The following GABRR2 variants were observed in gnomAD, a reference collection of about 807,000 sequenced individuals.
The protein encoded by GABRR2 is gamma-aminobutyric acid receptor subunit rho-2.
Under a neutral mutation model 47.0 loss-of-function variants are expected in GABRR2, and 36 were observed. The observed-to-expected ratio is 0.77, with a 90% CI of 0.59 to 1.01. The LOEUF is 1.01. Among genes scored for constraint, GABRR2 ranks in the 50% least tolerant of loss-of-function variants. The probability of loss-of-function intolerance (pLI) is 0.00; values close to 1 mark genes in which losing one functional copy is unlikely to be tolerated. For missense variants in GABRR2, 587 were observed against 594.6 expected (o/e 0.99, Z 0.13); for synonymous variants, 204 against 227.5 (o/e 0.90, Z 0.93).
intron 2 of GABRR2, among the ~76,000 whole-genome samples, chr6:89,284,309 C>T (rs1038170309): frequency 9.2e-5 from 14 of 152,164 alleles, no homozygotes; most frequent in Admixed American, 1.3e-4. Context: ...GTGCACCTTA[C>T]ATATATATGT....
chr6:89,291,450 C>T (rs1329146100), intron 2 of GABRR2, among the ~76,000 whole-genome samples: 2 of 152,006 alleles, frequency 1.3e-5, no homozygotes, highest in African/African-American at 2.4e-5. Flanking sequence ...TTGGTATGCC[C>T]CAGCTCTGCA....
chr6:89,315,137 A>C lies in GABRR2; in HGVS notation c.29T>G (p.Phe10Cys), dbSNP rs1767740474. 1 of 1,613,804 alleles carries C rather than the reference A, an allele frequency of 6.2e-7. No individual in the cohort carries two copies. The highest frequency in any genetic ancestry group is 8.5e-7 in the Non-Finnish European group (1 of 1,179,868). The change falls in exon 1 of 9, where the codon TTC becomes TGC. Residue 10 changes from phenylalanine (F) to cysteine (C), a missense_variant. By Grantham distance (205) the Phe-to-Cys change is radical. Coordinates refer to ENST00000402938, the MANE Select transcript of GABRR2 (RefSeq NM_002043.5). ...CACGAGAACCATCAAGCAAAACAAGAACAAAATGAGTCTTGTAAAATAAGG... is the reference window on the plus strand; with the variant it reads ...CACGAGAACCATCAAGCAAAACAAGCACAAAATGAGTCTTGTAAAATAAGG... MPYFTRLILFLFCLMVLVES... is the reference protein window; with the variant it reads MPYFTRLILCLFCLMVLVES...
At chr6:89,280,630 T>C (rs60255395) in intron 2 of GABRR2, among the ~76,000 whole-genome samples, 21,006 of 152,070 alleles carry the variant, frequency 0.14, 1,477 homozygotes, top group Non-Finnish European at 0.15. Context: ...GCTGCTGTCA[T>C]GGGTGAATGC....
intron 5 of GABRR2, 80 bp downstream of exon 5, chr6:89,267,934 T>C (rs1247595096): frequency 3.2e-6 from 5 of 1,569,974 alleles, no homozygotes; most frequent in Non-Finnish European, 4.4e-6. Flanking sequence ...TGGCGGGCAG[T>C]GCTCAGTCTC....
At chr6:89,274,178 C>G (rs1406847586) in intron 2 of GABRR2, among the ~76,000 whole-genome samples, 1 of 152,248 alleles carries the variant, frequency 6.6e-6, no homozygotes, top group Non-Finnish European at 1.5e-5. Context: ...GGCATCAGTG[C>G]TCTGGAGGTA....
At chr6:89,265,850 T>A (rs6454746) in intron 6 of GABRR2, 85 bp from the exon 7 acceptor site, 141,828 of 1,361,324 alleles carry the variant, frequency 0.1, 7,858 homozygotes, top group African/African-American at 0.12. Flanking sequence ...TTTCACTGAC[T>A]TGGCTCTCCT....
At chr6:89,283,210 G>A (rs1344941209) in intron 2 of GABRR2, among the ~76,000 whole-genome samples, 2 of 141,198 alleles carry the variant, frequency 1.4e-5, no homozygotes, top group East Asian at 4.1e-4. Flanking sequence ...TTTTTTGCTT[G>A]TTGTAAGGAG....
At chr6:89,261,186 C>A (rs1191226730) in intron 8 of GABRR2, among the ~76,000 whole-genome samples, 1 of 152,174 alleles carries the variant, frequency 6.6e-6, no homozygotes, top group Non-Finnish European at 1.5e-5. Flanking sequence ...CTATTTTTTT[C>A]AACTGCTCTA....
chr6:89,293,764 G>C (rs1012019293), intron 2 of GABRR2, among the ~76,000 whole-genome samples: 1 of 152,182 alleles, frequency 6.6e-6, no homozygotes, highest in African/African-American at 2.4e-5. Flanking sequence ...TCCAGACTGC[G>C]CAACAGAGCG....
chr6:89,288,385 C>T (rs1307546008), intron 2 of GABRR2, among the ~76,000 whole-genome samples: 2 of 152,116 alleles, frequency 1.3e-5, no homozygotes, highest in Non-Finnish European at 2.9e-5. Context: ...GCCAGGATGC[C>T]TGAGGAGCCC....
At position 89,268,969 on chromosome 6, in the gene GABRR2, G is replaced by C. The variant is rs759263104; in HGVS notation, c.512+42C>G. 1.8e-5 allele frequency: 28 copies of C among 1,569,260 alleles called. No individual in the cohort carries two copies. In the Admixed American group the frequency reaches 4.7e-4, roughly 26 times the overall value. Reference sequence around the variant, plus strand: ...CCAAAGGGCCTGACCACACATACCAGAAAGGCACTGGACAGAGGAACAATG... The same window carrying C: ...CCAAAGGGCCTGACCACACATACCACAAAGGCACTGGACAGAGGAACAATG... On this transcript the variant is annotated intron_variant, in intron 4 of 8. Transcript: ENST00000402938.
chr6:89,292,745 C>CAG (rs1562379423), intron 2 of GABRR2, among the ~76,000 whole-genome samples: 1 of 96,538 alleles, frequency 1.0e-5, no homozygotes, highest in Non-Finnish European at 2.0e-5. Context: ...CATATATAAT[C>CAG]GTATATATCG....
intron 1 of GABRR2, among the ~76,000 whole-genome samples, chr6:89,306,592 A>C (rs1414151516): frequency 6.6e-6 from 1 of 152,210 alleles, no homozygotes; most frequent in East Asian, 1.9e-4. Context: ...TAGGTGGTGC[A>C]CCCAGAGCTG....
At chr6:89,304,356 G>T (rs895627771) in intron 1 of GABRR2, among the ~76,000 whole-genome samples, 4 of 152,160 alleles carry the variant, frequency 2.6e-5, no homozygotes, top group African/African-American at 9.7e-5. Flanking sequence ...ACTTTGAGAA[G>T]ATGAGGCAGG....
chr6:89,254,989 GTTA>G lies in GABRR2; in HGVS notation c.*2678_*2680del. Among the ~76,000 whole-genome samples, 1 of 152,172 alleles carries G rather than the reference GTTA, an allele frequency of 6.6e-6. No individual in the cohort carries two copies. Among genetic ancestry groups the G allele is most frequent in the Non-Finnish European group, 1.5e-5 (1 of 68,032 alleles). The stretch of plus-strand genomic sequence containing the variant: ...TTTTAATTTGTGAACAGGCAACTAT[GTTA>G]TATGAGCCATAATGCATGAAAACAA... On this transcript the variant is annotated 3_prime_UTR_variant, in exon 9 of 9. Coordinates refer to ENST00000402938, the MANE Select transcript of GABRR2 (RefSeq NM_002043.5).
At chr6:89,275,764 G>C (rs1774147902) in intron 2 of GABRR2, among the ~76,000 whole-genome samples, 1 of 152,146 alleles carries the variant, frequency 6.6e-6, no homozygotes. Flanking sequence ...GACAGGATTA[G>C]GGCCCAAGTG....
chr6:89,289,602 G>T (rs1450908857), intron 2 of GABRR2, among the ~76,000 whole-genome samples: 1 of 152,150 alleles, frequency 6.6e-6, no homozygotes, highest in Non-Finnish European at 1.5e-5. Context: ...TAAGGGATGG[G>T]GGGCACGCCA....
At chr6:89,284,576 T>C (rs1774303065) in intron 2 of GABRR2, among the ~76,000 whole-genome samples, 1 of 152,192 alleles carries the variant, frequency 6.6e-6, no homozygotes. Context: ...CTTAGCCCGC[T>C]GTTGGCTGGC....
At chr6:89,277,647 T>TA (rs201148258) in intron 2 of GABRR2, among the ~76,000 whole-genome samples, 27,265 of 146,754 alleles carry the variant, frequency 0.19, 2,532 homozygotes, top group Admixed American at 0.25. Context: ...ATCTAAAATC[T>TA]AAAAAAAAAA....
Sources: gnomAD v4.1 joint callset for allele counts (sites outside exome capture counted in the v4.1 genomes callset) on GRCh38, gnomAD v4.1.1 for gene constraint, MANE v1.5 for transcripts, NCBI Gene and HGNC (gene_info 2026-07-23, HGNC 2026-07-21) for gene names.